The following VRK2 variants were observed in gnomAD, a reference collection of about 807,000 sequenced individuals.
The protein encoded by VRK2 is VRK serine/threonine kinase 2, also known as serine/threonine-protein kinase VRK2.
A neutral mutation model predicts 57.6 loss-of-function variants in VRK2; 60 were observed. The ratio of observed to expected loss-of-function variants is 1.04; its 90% CI spans 0.85 to 1.29. VRK2 has a LOEUF of 1.29. Ranked by LOEUF, VRK2 falls within the 50% of genes most tolerant of loss-of-function variation. VRK2 has a pLI of 0.00. For missense variants in VRK2, 705 were observed against 588.1 expected (o/e 1.20, Z -2.06); for synonymous variants, 231 against 199.2 (o/e 1.16, Z -1.35).
intron 1 of VRK2, among the ~76,000 whole-genome samples, chr2:57,997,550 G>A (rs143921120): frequency 1.1e-4 from 17 of 152,314 alleles, no homozygotes; most frequent in African/African-American, 4.1e-4. Context: ...TTGTGAATGA[G>A]CTAAATTTTT....
chr2:57,996,505 T>C (rs948053474), intron 1 of VRK2, among the ~76,000 whole-genome samples: 1 of 152,204 alleles, frequency 6.6e-6, no homozygotes, highest in Non-Finnish European at 1.5e-5. Flanking sequence ...GTATTGGTCA[T>C]ATCCTGAAGG....
chr2:58,067,943 T>G (rs554884125), intron 2 of VRK2, among the ~76,000 whole-genome samples: 4 of 152,180 alleles, frequency 2.6e-5, no homozygotes, highest in South Asian at 4.1e-4. Context: ...GTTTTGTTTT[T>G]TTTTGAAACA....
chr2:57,967,709 A>G (rs1671967300), intron 1 of VRK2, among the ~76,000 whole-genome samples: 1 of 152,202 alleles, frequency 6.6e-6, no homozygotes, highest in Non-Finnish European at 1.5e-5. Flanking sequence ...ACTTATCTAT[A>G]TAAGAAGGAG....
intron 9 of VRK2, among the ~76,000 whole-genome samples, chr2:58,134,789 C>T (rs1679766563): frequency 6.6e-6 from 1 of 152,118 alleles, no homozygotes; most frequent in African/African-American, 2.4e-5. Context: ...CTTCATTTCT[C>T]AAGTCGTGTC....
chr2:58,013,069 T>C (rs1182400511), intron 1 of VRK2, among the ~76,000 whole-genome samples: 1 of 152,202 alleles, frequency 6.6e-6, no homozygotes, highest in African/African-American at 2.4e-5. Flanking sequence ...TTCTACTTTC[T>C]ATGTTTTTAT....
intron 6 of VRK2, among the ~76,000 whole-genome samples, chr2:58,089,353 C>G (rs1335529340): frequency 6.6e-6 from 1 of 152,156 alleles, no homozygotes; most frequent in Non-Finnish European, 1.5e-5. Context: ...GGTTTGGCTA[C>G]TGGGCTATCA....
intron 12 of VRK2, among the ~76,000 whole-genome samples, chr2:58,152,399 ATTG>A (rs138182718): frequency 6.6e-6 from 1 of 151,914 alleles, no homozygotes; most frequent in African/African-American, 2.4e-5. Context: ...CCTTTGTGCT[ATTG>A]TTGTTATACG....
chr2:58,135,256 C>A, intron 10 of VRK2, 57 bp downstream of exon 10: 2 of 1,597,676 alleles, frequency 1.3e-6, no homozygotes, highest in Non-Finnish European at 1.7e-6. Flanking sequence ...CCACATTTGT[C>A]GTTATCGTTT....
intron 12 of VRK2, among the ~76,000 whole-genome samples, chr2:58,157,716 C>T (rs1273165165): frequency 1.3e-5 from 2 of 152,108 alleles, no homozygotes; most frequent in African/African-American, 2.4e-5. Flanking sequence ...TTCTAATACT[C>T]GAAGAATAAT....
chr2:58,115,099 G>T (rs892635817), intron 7 of VRK2, among the ~76,000 whole-genome samples: 1 of 152,160 alleles, frequency 6.6e-6, no homozygotes, highest in Non-Finnish European at 1.5e-5. Context: ...TCTGAGAGGC[G>T]GGCTAGTGGC....
At chr2:57,911,344 T>C (rs1440661556) in intron 1 of VRK2, among the ~76,000 whole-genome samples, 1 of 152,112 alleles carries the variant, frequency 6.6e-6, no homozygotes, top group Non-Finnish European at 1.5e-5. Flanking sequence ...GTTAAATACA[T>C]TTGGGAAACA....
intron 1 of VRK2, among the ~76,000 whole-genome samples, chr2:57,998,291 C>CTA (rs566125726): frequency 3.3e-5 from 5 of 152,144 alleles, no homozygotes; most frequent in Non-Finnish European, 7.4e-5. Context: ...AAAAACTATG[C>CTA]TACTATTCTC....
At chr2:58,107,615 A>G (rs1199392539) in intron 7 of VRK2, among the ~76,000 whole-genome samples, 2 of 152,206 alleles carry the variant, frequency 1.3e-5, no homozygotes, top group African/African-American at 2.4e-5. Flanking sequence ...ATAAGGTGGT[A>G]TATTGTACAA....
intron 1 of VRK2, among the ~76,000 whole-genome samples, chr2:58,001,974 C>A (rs1350011967): frequency 6.6e-6 from 1 of 152,026 alleles, no homozygotes; most frequent in Non-Finnish European, 1.5e-5. Flanking sequence ...GAATTTAACA[C>A]CACTATCAAT....
At chr2:57,916,907 C>A (rs1170917930) in intron 1 of VRK2, among the ~76,000 whole-genome samples, 1 of 152,128 alleles carries the variant, frequency 6.6e-6, no homozygotes, top group Non-Finnish European at 1.5e-5. Context: ...GTAGTATCTG[C>A]TTCATAAGGC....
At chr2:57,937,831 T>A (rs1003569531) in intron 1 of VRK2, among the ~76,000 whole-genome samples, 1 of 136,922 alleles carries the variant, frequency 7.3e-6, no homozygotes, top group African/African-American at 2.9e-5. Context: ...ATCTTTCTTT[T>A]TTTTTTTTTT....
intron 2 of VRK2, among the ~76,000 whole-genome samples, chr2:58,083,766 T>C (rs1012762204): frequency 6.6e-6 from 1 of 151,854 alleles, no homozygotes; most frequent in African/African-American, 2.4e-5. Context: ...ATTTTGGATC[T>C]ATATGATTCA....
At chr2:58,084,367 C>G (rs1228064494) in intron 3 of VRK2, among the ~76,000 whole-genome samples, 1 of 151,744 alleles carries the variant, frequency 6.6e-6, no homozygotes, top group African/African-American at 2.4e-5. Flanking sequence ...TCTTTCCCTC[C>G]CAAATGCCCT....
rs1213964252 is a variant in VRK2 at position 58,119,025 on chromosome 2, GC to G, written c.544-4074del. Among the ~76,000 whole-genome samples, 5 of 152,206 alleles carry G rather than the reference GC, an allele frequency of 3.3e-5. No individual in the cohort carries two copies. In the East Asian group the frequency reaches 9.7e-4, roughly 29 times the overall value. On this transcript the variant is annotated intron_variant, in intron 7 of 12. Transcript: ENST00000340157. ...ATGTCATCAGTTAAGGCGGGGCAGG[GC>G]CTTTTCACTTCTTTTGTGATTCTTC...
Sources: gnomAD v4.1 joint callset for allele counts (sites outside exome capture counted in the v4.1 genomes callset) on GRCh38, gnomAD v4.1.1 for gene constraint, MANE v1.5 for transcripts, NCBI Gene and HGNC (gene_info 2026-07-23, HGNC 2026-07-21) for gene names.